Variants in CSGALNACT1 observed in about 807,000 individuals in gnomAD.
CSGALNACT1 encodes chondroitin sulfate N-acetylgalactosaminyltransferase 1.
Under a neutral mutation model 51.0 loss-of-function variants are expected in CSGALNACT1, and 52 were observed. The observed-to-expected ratio is 1.02, with a 90% confidence interval of 0.82 to 1.29. The LOEUF is 1.29. Among genes scored for constraint, CSGALNACT1 ranks in the 50% most tolerant of loss-of-function variants. The pLI, the probability that CSGALNACT1 is intolerant of heterozygous loss-of-function variation, is 0.00. For missense variants in CSGALNACT1, 935 were observed against 679.2 expected, an observed-to-expected ratio of 1.38 and a Z score of -4.19; for synonymous variants, 341 against 254.4, an observed-to-expected ratio of 1.34 and a Z score of -3.24.
Position 19,447,699 on chromosome 8 carries a change from C to T in CSGALNACT1, c.852-7768G>A, listed in dbSNP as rs550853504. Among the ~76,000 whole-genome samples, 3 of 152,154 alleles carry T rather than the reference C, an allele frequency of 2.0e-5. No homozygotes were observed. The East Asian group carries it at 5.8e-4, about 29-fold the overall frequency. The stretch of plus-strand genomic sequence containing the variant: ...GGGTGTACAAAATAGCCTTGGTTCT[C>T]GACCACTGTCTTGACGGAGAAACAA... On this transcript the variant is annotated intron_variant, in intron 5 of 9. Transcript: ENST00000454498.
In CSGALNACT1 at chr8:19,523,182, C is replaced by T. The variant is rs563290645; in HGVS notation, c.-296-17052G>A. Among the ~76,000 whole-genome samples, 12 of 152,274 alleles carry T rather than the reference C, an allele frequency of 7.9e-5. No individual in the cohort carries two copies. The South Asian group carries it at 2.5e-3, about 32-fold the overall frequency. On this transcript the variant is annotated intron_variant, in intron 3 of 9. Coordinates refer to ENST00000454498, the Ensembl canonical transcript of CSGALNACT1. ...CACCTGTGAAAGAGGGGCGGGGCAC[C>T]ACCTTCTCATGCCACACCCACCTCG... is the stretch of plus-strand genomic sequence containing the variant.
At chr8:19,673,761 T>C (rs767980213) in intron 1 of CSGALNACT1, among the ~76,000 whole-genome samples, 3 of 152,212 alleles carry the variant, frequency 2.0e-5, no homozygotes, top group Non-Finnish European at 2.9e-5. Context: ...GCAGCGTTCT[T>C]TTGAAACAGA....
chr8:19,526,687 T>A (rs1291802200), intron 3 of CSGALNACT1, among the ~76,000 whole-genome samples: 1 of 152,102 alleles, frequency 6.6e-6, no homozygotes, highest in African/African-American at 2.4e-5. Flanking sequence ...TGGCGATCAA[T>A]CAGAAACAAA....
chr8:19,534,333 A>G (rs1366721105), intron 3 of CSGALNACT1, among the ~76,000 whole-genome samples: 1 of 152,022 alleles, frequency 6.6e-6, no homozygotes, highest in Non-Finnish European at 1.5e-5. Flanking sequence ...TGCCTTTAGT[A>G]CCAGCTACTC....
At chr8:19,740,400 G>A (rs1255913810) in intron 1 of CSGALNACT1, among the ~76,000 whole-genome samples, 3 of 152,208 alleles carry the variant, frequency 2.0e-5, no homozygotes, top group African/African-American at 7.2e-5. Flanking sequence ...GGTGGGGGCA[G>A]CACCCCCACA....
In CSGALNACT1 at chr8:19,698,765, A is replaced by T. The variant is rs185705719; in HGVS notation, c.-297+59085T>A. 3.9e-3 allele frequency among the ~76,000 whole-genome samples: 533 copies of T among 135,460 alleles called. 4 individuals carry two copies. The highest frequency in any genetic ancestry group is 0.014 in the African/African-American group (518 of 37,040). 88.9% of individuals were successfully genotyped at this position (135,460 alleles called of 152,430 possible). On this transcript the variant is annotated intron_variant, in intron 1 of 1. Transcript: ENST00000517494. ...GCTGCTATGGAAAAGAGAATGGATA[A>T]CCCACAAAAAAAAATCATTGATTTA... is the stretch of plus-strand genomic sequence containing the variant.
At chr8:19,447,403 C>G (rs994047451) in intron 5 of CSGALNACT1, among the ~76,000 whole-genome samples, 1 of 152,188 alleles carries the variant, frequency 6.6e-6, no homozygotes, top group Non-Finnish European at 1.5e-5. Context: ...GGGAACCAGA[C>G]AGATAGAATG....
intron 1 of CSGALNACT1, among the ~76,000 whole-genome samples, chr8:19,613,321 C>T (rs1321868305): frequency 6.6e-6 from 1 of 152,156 alleles, no homozygotes; most frequent in East Asian, 1.9e-4. Flanking sequence ...AGCAATTATT[C>T]TATGATAAAC....
At position 19,597,888 on chromosome 8, in the gene CSGALNACT1, G is replaced by A. The variant is rs537037097; in HGVS notation, c.-416+3883C>T. On this transcript the variant is annotated intron_variant, in intron 2 of 9. Coordinates refer to ENST00000454498, the Ensembl canonical transcript of CSGALNACT1. The stretch of plus-strand genomic sequence containing the variant: ...TAGTTTGAGGGCCAGATGGCCAAAG[G>A]GCAAACATCTAACCAGTAAATAATT... Among the ~76,000 whole-genome samples the A allele has an allele frequency of 8.5e-5, 13 of 152,318 alleles. No individual in the cohort carries two copies. In the South Asian group the frequency reaches 2.5e-3, roughly 29 times the overall value.
chr8:19,752,574 AC>A (rs2065109626), intron 1 of CSGALNACT1, among the ~76,000 whole-genome samples: 2 of 152,224 alleles, frequency 1.3e-5, no homozygotes, highest in African/African-American at 4.8e-5. Flanking sequence ...AGATGAACAT[AC>A]CACAAAAATC....
exon 10 of CSGALNACT1, chr8:19,405,822 G>T (rs932909094): frequency 6.2e-7 from 1 of 1,614,148 alleles, no homozygotes; most frequent in South Asian, 1.1e-5. Flanking sequence ...GTTTGCGAAG[G>T]TGAGCCTCTA....
intron 1 of CSGALNACT1, among the ~76,000 whole-genome samples, chr8:19,745,094 C>T (rs887092149): frequency 4.6e-5 from 7 of 152,112 alleles, no homozygotes; most frequent in African/African-American, 1.4e-4. Context: ...TCGTCTGACC[C>T]GAAGTATTCC....
At chr8:19,674,799 G>A (rs371404961) in intron 1 of CSGALNACT1, among the ~76,000 whole-genome samples, 61 of 152,208 alleles carry the variant, frequency 4.0e-4, no homozygotes, top group East Asian at 1.2e-3. Context: ...CCCTGGAAAC[G>A]CGAAGAAGTT....
chr8:19,479,511 G>A (rs944977798), intron 4 of CSGALNACT1, among the ~76,000 whole-genome samples: 1 of 151,980 alleles, frequency 6.6e-6, no homozygotes, highest in Admixed American at 6.6e-5. Context: ...CTATTTAATG[G>A]TCCTCATTAG....
rs2057714122 is a variant in CSGALNACT1, at chr8:19,420,328, G to C, written c.1132+12C>G. The C allele has an allele frequency of 6.2e-7, 1 of 1,613,766 alleles. No homozygotes were observed. The highest frequency in any genetic ancestry group is 8.5e-7 in the Non-Finnish European group (1 of 1,179,802). On this transcript the variant is annotated intron_variant, in intron 7 of 9. Coordinates refer to ENST00000454498, the Ensembl canonical transcript of CSGALNACT1. ...GGGGGCCACCTGAGCGTGACAGAGA[G>C]ATGATCCATACCTGGCTGTGTATTC...
At chr8:19,680,067 G>T (rs1355359911) in intron 1 of CSGALNACT1, among the ~76,000 whole-genome samples, 1 of 152,058 alleles carries the variant, frequency 6.6e-6, no homozygotes, top group Non-Finnish European at 1.5e-5. Flanking sequence ...GTTTGAAATT[G>T]GAAATATACT....
intron 1 of CSGALNACT1, among the ~76,000 whole-genome samples, chr8:19,609,244 A>G (rs966816462): frequency 6.6e-6 from 1 of 151,180 alleles, no homozygotes; most frequent in Non-Finnish European, 1.5e-5. Flanking sequence ...ACAAATAAAT[A>G]TATAGTAATA....
chr8:19,512,413 T>C (rs2078641456), intron 3 of CSGALNACT1, among the ~76,000 whole-genome samples: 1 of 152,198 alleles, frequency 6.6e-6, no homozygotes, highest in Admixed American at 6.5e-5. Flanking sequence ...CCCTAAGACC[T>C]TGTGAGATAA....
In CSGALNACT1 at chr8:19,457,656, T is replaced by C. The variant is rs183088302; in HGVS notation, c.851+770A>G. ...AATCAGCTTGATCTTTCAAGATTTATAATTAGACAGTAGGATTTTCTATGT... is the reference window on the plus strand; with the variant it reads ...AATCAGCTTGATCTTTCAAGATTTACAATTAGACAGTAGGATTTTCTATGT... On this transcript the variant is annotated intron_variant, in intron 5 of 9. Transcript: ENST00000454498. 7.0e-6 allele frequency: 9 copies of C among 1,288,072 alleles called. No individual in the cohort carries two copies. The African/African-American group carries it at 1.4e-4, about 20-fold the overall frequency. The allele number at this position is 1,288,072 out of a possible 1,614,324, so 79.8% of individuals were successfully genotyped here.
Sources: gnomAD v4.1 joint callset for allele counts (sites outside exome capture counted in the v4.1 genomes callset) on GRCh38, gnomAD v4.1.1 for gene constraint, MANE v1.5 for transcripts, NCBI Gene and HGNC (gene_info 2026-07-23, HGNC 2026-07-21) for gene names.